PLXNA2: variants seen among roughly 807,000 people sequenced by gnomAD.
The protein encoded by PLXNA2 is plexin A2, also known as plexin-A2.
In PLXNA2, 91 loss-of-function variants were observed where a neutral mutation model predicts 193.5. The observed-to-expected ratio is 0.47, with a 90% CI of 0.40 to 0.56. PLXNA2 has a LOEUF of 0.56. PLXNA2 is among the 20% of genes least tolerant of loss of function. The pLI is 0.00. For synonymous variants in PLXNA2, 997 were observed against 1,027.3 expected (o/e 0.97, Z 0.56); for missense variants, 1,995 against 2,503.2 (o/e 0.80, Z 4.33).
chr1:208,184,071 T>A (rs1344955819), intron 3 of PLXNA2, among the ~76,000 whole-genome samples: 11 of 152,202 alleles, frequency 7.2e-5, no homozygotes. Context: ...CATCACAGAA[T>A]GTTATCTTGG....
At chr1:208,061,903 T>G (rs952975731) in intron 12 of PLXNA2, among the ~76,000 whole-genome samples, 8 of 152,072 alleles carry the variant, frequency 5.3e-5, no homozygotes, top group African/African-American at 1.9e-4. Flanking sequence ...CTGGAAGGGA[T>G]CTGAGAGTAT....
chr1:208,126,711 C>G (rs1296499419), intron 4 of PLXNA2, among the ~76,000 whole-genome samples: 1 of 152,204 alleles, frequency 6.6e-6, no homozygotes, highest in East Asian at 1.9e-4. Context: ...ATCCTCCCCA[C>G]CATGCCATCC....
chr1:208,203,743 T>TA (rs1298630990), intron 3 of PLXNA2, among the ~76,000 whole-genome samples: 1 of 150,226 alleles, frequency 6.7e-6, no homozygotes, highest in Non-Finnish European at 1.5e-5. Context: ...TTAGTATAGC[T>TA]ACAGCTCAGT....
At chr1:208,175,799 C>G (rs1669644981) in intron 3 of PLXNA2, among the ~76,000 whole-genome samples, 1 of 152,174 alleles carries the variant, frequency 6.6e-6, no homozygotes, top group East Asian at 1.9e-4. Context: ...GGCAGTCTTC[C>G]TAAGAGAGTG....
intron 1 of PLXNA2, among the ~76,000 whole-genome samples, chr1:208,228,518 G>C (rs768952398): frequency 2.0e-5 from 3 of 152,138 alleles, no homozygotes; most frequent in Non-Finnish European, 4.4e-5. Context: ...GTTGTGCCTT[G>C]TGCTGCCTCA....
chr1:208,152,681 ACG>A (rs1173929314), intron 3 of PLXNA2, among the ~76,000 whole-genome samples: 15 of 63,814 alleles, frequency 2.4e-4, no homozygotes, highest in Non-Finnish European at 3.4e-4. Flanking sequence ...ACACACACAC[ACG>A]CACACACACA....
intron 3 of PLXNA2, among the ~76,000 whole-genome samples, chr1:208,202,674 C>T (rs1670591462): frequency 6.6e-6 from 1 of 152,208 alleles, no homozygotes; most frequent in African/African-American, 2.4e-5. Flanking sequence ...GATAAGACCT[C>T]TGTAAACACC....
At position 208,054,489 on chromosome 1, in the gene PLXNA2, C is replaced by T. The variant is rs772625710; in HGVS notation, c.2788G>A (p.Val930Ile). Residue 930 changes from valine to isoleucine, a missense_variant, in exon 14 of 32, where the codon GTA (valine) becomes ATA (isoleucine). Transcript: ENST00000367033. Reference sequence around the variant, plus strand: ...TTACACTCGCCAATACACAGGCGTACTGGCCCGGAGGTGGTTCCCACGAGG... The same window carrying T: ...TTACACTCGCCAATACACAGGCGTATTGGCCCGGAGGTGGTTCCCACGAGG... Reference protein sequence around the residue: ...HALVGTTSGPVRLCIGECKPE... With the variant: ...HALVGTTSGPIRLCIGECKPE... The T allele has an allele frequency of 1.2e-6, 2 of 1,614,264 alleles. No individual in the cohort carries two copies. Among genetic ancestry groups the T allele is most frequent in the Middle Eastern group, 1.6e-4 (1 of 6,062 alleles).
chr1:208,215,611 G>A (rs1317636582), intron 2 of PLXNA2, among the ~76,000 whole-genome samples: 2 of 151,842 alleles, frequency 1.3e-5, no homozygotes, highest in African/African-American at 4.8e-5. Flanking sequence ...TAGGTAAATA[G>A]GTGAATAGAT....
At chr1:208,215,667 A>C (rs895266296) in intron 2 of PLXNA2, among the ~76,000 whole-genome samples, 2 of 151,880 alleles carry the variant, frequency 1.3e-5, no homozygotes, top group African/African-American at 4.8e-5. Context: ...AGATGCATGG[A>C]GGGAGAGAGC....
rs1048690080 is a variant in PLXNA2 at position 208,217,259 on chromosome 1, C to G, written c.664G>C (p.Val222Leu). The change falls in exon 2 of 32, where the codon GTC (valine) becomes CTC (leucine). Residue 222 changes from valine to leucine, a missense_variant. Coordinates refer to ENST00000367033, the MANE Select transcript of PLXNA2 (RefSeq NM_025179.4). This position sits in a 1 kb window ranked among gnomAD's most constrained non-coding sequence, Gnocchi z 4.7. ...GAAGGGATCTTGATGAGAGAGGAGA[C>G]AAAATCGCTGTGTAGCTCATAGTCG... ...MLDYELHSDF[V>L]SSLIKIPSDT... is the part of the protein sequence containing the mutation. The G allele has an allele frequency of 6.2e-7, 1 of 1,614,000 alleles. No individual in the cohort carries two copies. Among genetic ancestry groups the G allele is most frequent in the Admixed American group, 1.7e-5 (1 of 59,996 alleles).
intron 3 of PLXNA2, among the ~76,000 whole-genome samples, chr1:208,153,526 C>T (rs894788141): frequency 3.3e-5 from 5 of 152,182 alleles, no homozygotes; most frequent in Non-Finnish European, 5.9e-5. Flanking sequence ...TTGTTTCTGT[C>T]GAAATGATCT....
rs1034715638 is a variant in PLXNA2 at position 208,125,663 on chromosome 1, C to T, written c.1506+16666G>A. Among the ~76,000 whole-genome samples the T allele has an allele frequency of 4.6e-5, 7 of 152,056 alleles. No individual in the cohort carries two copies. The East Asian group carries it at 5.8e-4, about 13-fold the overall frequency. On this transcript the variant is annotated intron_variant, in intron 4 of 31. Coordinates refer to ENST00000367033, the MANE Select transcript of PLXNA2 (RefSeq NM_025179.4). ...TAATCCTCTGTGATCATATTCAAACCGAATATTCTCAGCTTGGCACACAGA... is the reference window on the plus strand; with the variant it reads ...TAATCCTCTGTGATCATATTCAAACTGAATATTCTCAGCTTGGCACACAGA...
chr1:208,162,352 A>G (rs1669158206), intron 3 of PLXNA2, among the ~76,000 whole-genome samples: 1 of 152,232 alleles, frequency 6.6e-6, no homozygotes, highest in Non-Finnish European at 1.5e-5. Flanking sequence ...GATGTGAGCT[A>G]GACCTGGGTA....
In PLXNA2 at chr1:208,031,611, C is replaced by T. The variant is rs368772733; in HGVS notation, c.5204G>A (p.Arg1735Gln). 94 of 1,613,942 alleles carry T rather than the reference C, an allele frequency of 5.8e-5. No individual in the cohort carries two copies. The highest frequency in any genetic ancestry group is 8.9e-5 in the East Asian group (4 of 44,870). ...TTACCAGTTGCTTTTCCAGGTGTGC[C>T]GCACATCTGTGTCATGGATGCTGTG... ...DRHSIHDTDVRHTWKSNCLPL... is the reference protein window; with the variant it reads ...DRHSIHDTDVQHTWKSNCLPL... Residue 1735 changes from arginine (R) to glutamine (Q), a missense_variant, in exon 29 of 32, where the codon CGG becomes CAG. By Grantham distance (43) the Arg-to-Gln change is conservative. Around this residue, in one of 3 missense-constraint regions of PLXNA2, gnomAD observed 1,291 missense variants for 1,673.6 expected, o/e 0.77. Transcript: ENST00000367033.
At chr1:208,146,706 C>T (rs899320783) in intron 3 of PLXNA2, among the ~76,000 whole-genome samples, 2 of 152,146 alleles carry the variant, frequency 1.3e-5, no homozygotes, top group Non-Finnish European at 2.9e-5. Context: ...TATGGTGTCC[C>T]ACAAAGTGAC....
At chr1:208,051,175 A>T in intron 16 of PLXNA2, 73 bp from the exon 17 acceptor site, 1 of 1,593,088 alleles carries the variant, frequency 6.3e-7, no homozygotes, top group South Asian at 1.1e-5. Flanking sequence ...CACCTTAGGG[A>T]TCCCTCTCAT....
chr1:208,090,125 C>A (rs917238318), intron 9 of PLXNA2, among the ~76,000 whole-genome samples: 1 of 152,172 alleles, frequency 6.6e-6, no homozygotes, highest in Non-Finnish European at 1.5e-5. Context: ...ACCCTGTTTC[C>A]TTTCCTGAGC....
chr1:208,090,034 T>C (rs1236579486), intron 9 of PLXNA2, among the ~76,000 whole-genome samples: 2 of 152,144 alleles, frequency 1.3e-5, no homozygotes, highest in East Asian at 1.9e-4. Flanking sequence ...AAAAGGAACA[T>C]GTGGCCAGCT....
Sources: gnomAD v4.1 joint callset for allele counts (sites outside exome capture counted in the v4.1 genomes callset) on GRCh38, gnomAD v4.1.1 for gene constraint, gnomAD v4.1.1 regional missense constraint, Gnocchi (gnomAD v3.1) non-coding constraint, MANE v1.5 for transcripts, NCBI Gene and HGNC (gene_info 2026-07-23, HGNC 2026-07-21) for gene names.